The following DOCK2 variants were observed in gnomAD, a reference collection of about 807,000 sequenced individuals.
DOCK2 encodes the protein dedicator of cytokinesis 2, also known as dedicator of cytokinesis protein 2.
In DOCK2, 87 loss-of-function variants were observed where a neutral mutation model predicts 248.9. The observed-to-expected ratio is 0.35, with a 90% CI of 0.29 to 0.42. The LOEUF is 0.42. Ranked by LOEUF, DOCK2 falls within the 10% of genes least tolerant of loss-of-function variation. The pLI, the probability that DOCK2 is intolerant of heterozygous loss-of-function variation, is 1.00. For synonymous variants in DOCK2, 805 were observed against 821.6 expected, an observed-to-expected ratio of 0.98 and a Z score of 0.35; for missense variants, 1,747 against 2,300.2, an observed-to-expected ratio of 0.76 and a Z score of 4.92.
rs201825096 is a variant in DOCK2, at chr5:169,996,145, A to G, written c.3053A>G (p.His1018Arg). 2 of 1,613,990 alleles carry G rather than the reference A, an allele frequency of 1.2e-6. No homozygotes were observed. Among genetic ancestry groups the G allele is most frequent in the Non-Finnish European group, 1.7e-6 (2 of 1,179,900 alleles). Residue 1018 changes from histidine to arginine, a missense_variant, in exon 30 of 52, where the codon CAC becomes CGC. His to Arg is a conservative substitution (Grantham distance 29). Coordinates refer to ENST00000520908, the MANE Select transcript of DOCK2 (RefSeq NM_004946.3). ...AETMNQKFLE[H>R]TNFEFQLWNN... ...ACCATGAACCAGAAGTTCCTAGAAC[A>G]CACGAACTTTGAGTTCCAGGTGAGT...
At chr5:169,939,362 G>A (rs1776136642) in intron 27 of DOCK2, among the ~76,000 whole-genome samples, 1 of 152,162 alleles carries the variant, frequency 6.6e-6, no homozygotes. Context: ...TAACATTCAT[G>A]AATTTGTCAC....
chr5:169,709,039 A>G (rs1182145819), intron 15 of DOCK2, among the ~76,000 whole-genome samples: 2 of 152,240 alleles, frequency 1.3e-5, no homozygotes, highest in Non-Finnish European at 2.9e-5. Context: ...CAATAGGTTG[A>G]CTGTGGAAGT....
chr5:169,861,380 A>G (rs1479604231), intron 27 of DOCK2, among the ~76,000 whole-genome samples: 1 of 152,260 alleles, frequency 6.6e-6, no homozygotes, highest in Non-Finnish European at 1.5e-5. Context: ...AAAACCTTAC[A>G]TCAGTACATC....
At chr5:170,040,602 G>T (rs1756483026) in intron 36 of DOCK2, 1 of 182,562 alleles carries the variant, frequency 5.5e-6, no homozygotes, top group Non-Finnish European at 1.2e-5. Flanking sequence ...CAGTGATTAA[G>T]AGCAGGCATC....
chr5:169,687,564 A>G (rs913226038), intron 8 of DOCK2, among the ~76,000 whole-genome samples: 1 of 152,232 alleles, frequency 6.6e-6, no homozygotes, highest in Non-Finnish European at 1.5e-5. Context: ...TTTTTAAAAA[A>G]TCTTGTTCCT....
intron 30 of DOCK2, among the ~76,000 whole-genome samples, chr5:169,997,709 G>C (rs987232304): frequency 2.0e-5 from 3 of 150,696 alleles, no homozygotes; most frequent in Admixed American, 6.6e-5. Context: ...CACGGGGTTG[G>C]GGGTAAGGTC....
At chr5:170,010,705 T>C (rs1484261404) in intron 32 of DOCK2, among the ~76,000 whole-genome samples, 1 of 152,248 alleles carries the variant, frequency 6.6e-6, no homozygotes, top group Non-Finnish European at 1.5e-5. Flanking sequence ...CAACACATGA[T>C]GGACCCAGAT....
chr5:169,681,808 A>G lies in DOCK2; in HGVS notation c.535A>G (p.Ser179Gly). The stretch of plus-strand genomic sequence containing the variant: ...AAATATCTTGGACCCTGATAATACC[A>G]GTGTCATCAGCTTGTTCCATGCACA... The part of the protein sequence containing the change: ...DGNILDPDNT[S>G]VISLFHAHEE... Residue 179 changes from serine to glycine, a missense_variant, in exon 7 of 52, where the codon AGT becomes GGT. Coordinates refer to ENST00000520908, the MANE Select transcript of DOCK2 (RefSeq NM_004946.3). 2 of 1,613,982 alleles carry G rather than the reference A, an allele frequency of 1.2e-6. No homozygotes were observed. Among genetic ancestry groups the G allele is most frequent in the Middle Eastern group, 1.6e-4 (1 of 6,062 alleles).
chr5:170,082,072 G>A, intron 51 of DOCK2, 88 bp downstream of exon 51: 5 of 1,533,260 alleles, frequency 3.3e-6, no homozygotes, highest in Non-Finnish European at 4.4e-6. Context: ...GGGGGGTTGT[G>A]TGTGCATATG....
intron 27 of DOCK2, among the ~76,000 whole-genome samples, chr5:169,873,841 C>T (rs1251299333): frequency 2.0e-5 from 3 of 152,186 alleles, no homozygotes; most frequent in African/African-American, 4.8e-5. Context: ...TGACCTCAAG[C>T]GGCTCACACA....
chr5:169,993,694 C>T (rs1025807626), intron 29 of DOCK2, among the ~76,000 whole-genome samples: 1 of 152,168 alleles, frequency 6.6e-6, no homozygotes, highest in African/African-American at 2.4e-5. Context: ...GCAGATACTC[C>T]ACCCACCGAC....
At chr5:170,003,535 GA>G (rs1754913766) in intron 30 of DOCK2, among the ~76,000 whole-genome samples, 1 of 152,232 alleles carries the variant, frequency 6.6e-6, no homozygotes, top group African/African-American at 2.4e-5. Flanking sequence ...AAGGCTTCAT[GA>G]AGGAAGCGGG....
chr5:170,061,235 G>T (rs1757317332), intron 44 of DOCK2, among the ~76,000 whole-genome samples: 1 of 152,176 alleles, frequency 6.6e-6, no homozygotes, highest in South Asian at 2.1e-4. Context: ...GCTCAGCTTA[G>T]GGAAAAGACC....
At chr5:169,664,266 G>C (rs1580996243) in intron 2 of DOCK2, among the ~76,000 whole-genome samples, 1 of 152,168 alleles carries the variant, frequency 6.6e-6, no homozygotes, top group East Asian at 1.9e-4. Flanking sequence ...CCATCTGAGA[G>C]CACCTCATCC....
intron 27 of DOCK2, among the ~76,000 whole-genome samples, chr5:169,978,386 T>TGGGG (rs1561863630): frequency 6.0e-5 from 1 of 16,716 alleles, no homozygotes. Context: ...TGTGTGTGTG[T>TGGGG]GTGTGTGGGG....
intron 33 of DOCK2, among the ~76,000 whole-genome samples, chr5:170,022,463 T>A (rs143782729): frequency 6.6e-5 from 10 of 152,214 alleles, no homozygotes; most frequent in Admixed American, 3.3e-4. Flanking sequence ...TGGGTTTGAC[T>A]GATGACATTT....
intron 26 of DOCK2, among the ~76,000 whole-genome samples, chr5:169,831,935 C>T (rs1389943747): frequency 6.6e-6 from 1 of 152,122 alleles, no homozygotes; most frequent in Non-Finnish European, 1.5e-5. Flanking sequence ...GAGACTTTTG[C>T]AGAGAGTTTT....
intron 26 of DOCK2, among the ~76,000 whole-genome samples, chr5:169,838,695 G>A (rs983911740): frequency 2.6e-5 from 4 of 152,180 alleles, no homozygotes; most frequent in African/African-American, 9.7e-5. Context: ...CTGAAGTCTG[G>A]CTGCGCTTGA....
chr5:169,922,026 A>G (rs1775203329), intron 27 of DOCK2, among the ~76,000 whole-genome samples: 3 of 152,210 alleles, frequency 2.0e-5, no homozygotes, highest in Admixed American at 6.5e-5. Flanking sequence ...ATATTATTTT[A>G]AGAGCTTTTC....
Sources: gnomAD v4.1 joint callset for allele counts (sites outside exome capture counted in the v4.1 genomes callset) on GRCh38, gnomAD v4.1.1 for gene constraint, MANE v1.5 for transcripts, NCBI Gene and HGNC (gene_info 2026-07-23, HGNC 2026-07-21) for gene names.